Variants in PTPRN2 observed in about 807,000 individuals in gnomAD.
PTPRN2 encodes protein tyrosine phosphatase receptor type N2, also known as receptor-type tyrosine-protein phosphatase N2.
Under a neutral mutation model 118.8 loss-of-function variants are expected in PTPRN2, and 74 were observed. The observed-to-expected ratio is 0.62, with a 90% confidence interval of 0.52 to 0.76. PTPRN2 has a LOEUF of 0.76. PTPRN2 is among the 30% of genes least tolerant of loss of function. The pLI is 0.00. For synonymous variants in PTPRN2, 641 were observed against 608.0 expected (o/e 1.05, Z -0.80); for missense variants, 1,481 against 1,394.4 (o/e 1.06, Z -0.99).
intron 12 of PTPRN2, among the ~76,000 whole-genome samples, chr7:157,718,098 G>A (rs1799021105): frequency 6.6e-6 from 1 of 152,210 alleles, no homozygotes; most frequent in African/African-American, 2.4e-5. Flanking sequence ...ATTACCTTTT[G>A]TAATCTCTCC....
In PTPRN2 at chr7:158,441,085, TG is replaced by T. The variant is rs551924869; in HGVS notation, c.163+48649del. Among the ~76,000 whole-genome samples, 103 of 144,766 alleles carry T rather than the reference TG, an allele frequency of 7.1e-4. No homozygotes were observed. The South Asian group carries it at 0.02, about 28-fold the overall frequency. The allele number at this position is 144,766 out of a possible 152,430, so 95.0% of individuals were successfully genotyped here. A position where few individuals can be genotyped will look rare whatever the true frequency, so the allele number is the denominator to read the frequency against. ...GGGGTGGTAGTGATGGTGGTGCTGG[TG>T]GTAGTGATAGGGGTGGTAGTGATGG... On this transcript the variant is annotated intron_variant, in intron 2 of 22. Coordinates refer to ENST00000389418, the MANE Select transcript of PTPRN2 (RefSeq NM_002847.5).
chr7:157,880,923 A>C (rs1055775650), intron 12 of PTPRN2, among the ~76,000 whole-genome samples: 1 of 152,162 alleles, frequency 6.6e-6, no homozygotes, highest in Non-Finnish European at 1.5e-5. Flanking sequence ...ATAAAAAGGC[A>C]CTCTGAGTTA....
intron 3 of PTPRN2, among the ~76,000 whole-genome samples, chr7:158,214,037 G>A (rs1414381685): frequency 1.3e-5 from 2 of 151,994 alleles, no homozygotes; most frequent in African/African-American, 4.8e-5. Context: ...GTATACCTTA[G>A]CCCAGCCATC....
At chr7:158,085,578 C>T (rs549886853) in intron 10 of PTPRN2, among the ~76,000 whole-genome samples, 3 of 121,256 alleles carry the variant, frequency 2.5e-5, no homozygotes, top group African/African-American at 6.5e-5. Context: ...TCCACACCCT[C>T]GACGCCCATC....
chr7:158,119,901 T>G (rs771051307), intron 9 of PTPRN2, among the ~76,000 whole-genome samples: 6 of 152,066 alleles, frequency 3.9e-5, no homozygotes, highest in Non-Finnish European at 7.4e-5. Context: ...TGTTAGTGCC[T>G]CACATTCACA....
intron 11 of PTPRN2, among the ~76,000 whole-genome samples, chr7:157,910,369 G>A (rs1315773923): frequency 6.2e-5 from 9 of 144,074 alleles, no homozygotes; most frequent in Admixed American, 3.4e-4. Flanking sequence ...AGGCACGTAC[G>A]CCGGATCACG....
chr7:158,055,444 G>A (rs1245487499), intron 11 of PTPRN2, among the ~76,000 whole-genome samples: 1 of 152,184 alleles, frequency 6.6e-6, no homozygotes, highest in Non-Finnish European at 1.5e-5. Context: ...GGGGAGTTTA[G>A]AGAAGACTCC....
intron 1 of PTPRN2, among the ~76,000 whole-genome samples, chr7:158,524,399 C>T (rs1161972691): frequency 1.5e-5 from 2 of 137,156 alleles, no homozygotes; most frequent in Non-Finnish European, 3.1e-5. Flanking sequence ...GGAGTGGAGT[C>T]GTCTGCCCTG....
intron 11 of PTPRN2, among the ~76,000 whole-genome samples, chr7:158,021,410 A>G (rs1806860810): frequency 6.6e-6 from 1 of 152,238 alleles, no homozygotes; most frequent in Non-Finnish European, 1.5e-5. Context: ...GAGAAACTTC[A>G]TCAGTGATGC....
At chr7:158,511,715 G>C (rs146836824) in intron 1 of PTPRN2, among the ~76,000 whole-genome samples, 1 of 152,216 alleles carries the variant, frequency 6.6e-6, no homozygotes, top group South Asian at 2.1e-4. Context: ...TGCAAGACAC[G>C]GTGGGAGGCA....
chr7:158,519,623 C>G (rs942316439), intron 1 of PTPRN2, among the ~76,000 whole-genome samples: 10 of 152,138 alleles, frequency 6.6e-5, no homozygotes, highest in Non-Finnish European at 1.5e-4. Context: ...CTGGGTGACT[C>G]TGGACCTTCA....
At chr7:157,631,898 C>T (rs1460628398) in intron 14 of PTPRN2, among the ~76,000 whole-genome samples, 1 of 151,648 alleles carries the variant, frequency 6.6e-6, no homozygotes, top group East Asian at 1.9e-4. Context: ...AAATGACATG[C>T]TTTTTTCAAA....
chr7:158,461,160 C>G (rs1293445384), intron 2 of PTPRN2, among the ~76,000 whole-genome samples: 1 of 152,144 alleles, frequency 6.6e-6, no homozygotes, highest in Admixed American at 6.5e-5. Context: ...TTCCAAATTC[C>G]CAGTCTTTCA....
intron 12 of PTPRN2, among the ~76,000 whole-genome samples, chr7:157,885,694 G>A (rs1170881095): frequency 1.3e-5 from 2 of 152,228 alleles, no homozygotes; most frequent in African/African-American, 4.8e-5. Context: ...TACCAGGTGC[G>A]AATGTGCTAT....
intron 4 of PTPRN2, among the ~76,000 whole-genome samples, chr7:158,193,925 AG>A (rs1825992740): frequency 7.0e-6 from 1 of 142,572 alleles, no homozygotes; most frequent in Non-Finnish European, 1.5e-5. Context: ...AAAAAAAAAA[AG>A]GAATATAATG....
intron 1 of PTPRN2, among the ~76,000 whole-genome samples, chr7:158,550,107 A>C (rs760145836): frequency 2.0e-5 from 3 of 152,214 alleles, no homozygotes; most frequent in Non-Finnish European, 2.9e-5. Flanking sequence ...TCTGAAAATG[A>C]AAGACGGAGA....
At chr7:158,547,666 G>A (rs1826378710) in intron 1 of PTPRN2, among the ~76,000 whole-genome samples, 1 of 152,206 alleles carries the variant, frequency 6.6e-6, no homozygotes, top group South Asian at 2.1e-4. Context: ...AGCCCTGGGA[G>A]GCACTCCTGG....
intron 2 of PTPRN2, among the ~76,000 whole-genome samples, chr7:158,402,013 A>C (rs1162080901): frequency 6.6e-6 from 1 of 152,092 alleles, no homozygotes; most frequent in Non-Finnish European, 1.5e-5. Flanking sequence ...ACGGGGTGTG[A>C]AAGAGAGATG....
intron 3 of PTPRN2, among the ~76,000 whole-genome samples, chr7:158,269,069 T>G (rs921380778): frequency 6.6e-6 from 1 of 152,152 alleles, no homozygotes; most frequent in Non-Finnish European, 1.5e-5. Flanking sequence ...CTGCCCAACT[T>G]TGAACGGAGG....
Sources: allele counts gnomAD v4.1 joint callset (sites outside exome capture counted in the v4.1 genomes callset), GRCh38; gene constraint gnomAD v4.1.1; transcripts MANE v1.5; gene names NCBI Gene and HGNC (gene_info 2026-07-23, HGNC 2026-07-21).